SETBP1: variants seen among roughly 807,000 people sequenced by gnomAD.
SETBP1 encodes SET-binding protein.
In SETBP1, 9 loss-of-function variants were observed where a neutral mutation model predicts 101.0. The ratio of observed to expected loss-of-function variants is 0.09; its 90% CI spans 0.05 to 0.16. The LOEUF (loss-of-function observed/expected upper bound fraction) is 0.16. Ranked by LOEUF, SETBP1 falls within the 10% of genes least tolerant of loss-of-function variation. The probability of loss-of-function intolerance (pLI) is 1.00; values close to 1 mark genes in which losing one functional copy is unlikely to be tolerated. For synonymous variants in SETBP1, 818 were observed against 788.5 expected (o/e 1.04, Z -0.63); for missense variants, 1,858 against 2,033.8 (o/e 0.91, Z 1.66).
intron 3 of SETBP1, among the ~76,000 whole-genome samples, chr18:44,931,151 T>C (rs1375575997): frequency 1.3e-5 from 2 of 152,224 alleles, no homozygotes. Context: ...TTTGTTCTCA[T>C]TGGTTTCAAA....
At chr18:45,049,168 A>G (rs916547853) in intron 5 of SETBP1, among the ~76,000 whole-genome samples, 4 of 152,186 alleles carry the variant, frequency 2.6e-5, no homozygotes, top group Admixed American at 1.3e-4. Context: ...ATGAATTTTC[A>G]ACTGAATGGT....
At chr18:44,984,323 A>C (rs759162293) in intron 4 of SETBP1, among the ~76,000 whole-genome samples, 32 of 152,160 alleles carry the variant, frequency 2.1e-4, no homozygotes, top group Non-Finnish European at 3.5e-4. Flanking sequence ...AGGGAGGATA[A>C]TTTCAGGAAG....
At chr18:44,877,916 T>G (rs913161564) in intron 3 of SETBP1, among the ~76,000 whole-genome samples, 1 of 152,184 alleles carries the variant, frequency 6.6e-6, no homozygotes, top group African/African-American at 2.4e-5. Flanking sequence ...GAATATTTTG[T>G]TTTTTAATTC....
intron 4 of SETBP1, among the ~76,000 whole-genome samples, chr18:44,995,526 C>CT (rs1354704075): frequency 2.9e-5 from 3 of 104,000 alleles, no homozygotes; most frequent in African/African-American, 1.2e-4. Flanking sequence ...CATGTCCAGG[C>CT]TTTTGTGTGT....
intron 2 of SETBP1, among the ~76,000 whole-genome samples, chr18:44,813,856 C>T (rs1252411472): frequency 6.6e-6 from 1 of 152,172 alleles, no homozygotes; most frequent in Non-Finnish European, 1.5e-5. Context: ...CATGGGAACA[C>T]TGATGGGTTT....
intron 2 of SETBP1, among the ~76,000 whole-genome samples, chr18:44,730,917 G>A (rs1228276473): frequency 6.6e-6 from 1 of 152,216 alleles, no homozygotes; most frequent in African/African-American, 2.4e-5. Context: ...TTGTGGATCG[G>A]CCTAGTAGTG....
intron 2 of SETBP1, among the ~76,000 whole-genome samples, chr18:44,793,634 A>T (rs1307650868): frequency 6.6e-6 from 1 of 152,328 alleles, no homozygotes; most frequent in Non-Finnish European, 1.5e-5. Context: ...AATAGATTGG[A>T]TAACTTTTTA....
At chr18:44,787,265 T>C (rs972674412) in intron 2 of SETBP1, among the ~76,000 whole-genome samples, 2 of 152,176 alleles carry the variant, frequency 1.3e-5, no homozygotes, top group African/African-American at 2.4e-5. Flanking sequence ...GTAGCAGTAA[T>C]TGAAAGGATA....
chr18:44,711,704 AT>A (rs11376628), intron 2 of SETBP1, among the ~76,000 whole-genome samples: 237 of 125,620 alleles, frequency 1.9e-3, no homozygotes, highest in African/African-American at 3.6e-3. Context: ...TTATCTTTAA[AT>A]TTTTTTTTTT....
rs143542537 is a variant in SETBP1, at chr18:44,756,534, C to T, written c.486+54702C>T. 7.3e-4 allele frequency among the ~76,000 whole-genome samples: 111 copies of T among 152,330 alleles called. 2 individuals carry two copies. The Middle Eastern group carries it at 0.014, about 19-fold the overall frequency. On this transcript the variant is annotated intron_variant, in intron 2 of 5. Coordinates refer to ENST00000649279, the MANE Select transcript of SETBP1 (RefSeq NM_015559.3). ...TGCTGCCCAGCCACAAGCCAGGCTC[C>T]AGGGCACACGGGGAGTGCTTGTCCT...
intron 4 of SETBP1, among the ~76,000 whole-genome samples, chr18:45,010,842 G>T (rs1046216969): frequency 4.6e-5 from 7 of 152,188 alleles, no homozygotes; most frequent in Admixed American, 3.9e-4. Context: ...TCAGGCTTAA[G>T]GGGATTAAGT....
intron 2 of SETBP1, among the ~76,000 whole-genome samples, chr18:44,768,984 G>A (rs1446880883): frequency 6.6e-6 from 1 of 152,304 alleles, no homozygotes; most frequent in African/African-American, 2.4e-5. Context: ...ATACCTGCTT[G>A]TGGTTTTTCT....
intron 4 of SETBP1, among the ~76,000 whole-genome samples, chr18:44,957,823 A>G (rs981239740): frequency 3.3e-4 from 51 of 152,338 alleles, no homozygotes; most frequent in African/African-American, 1.2e-3. Flanking sequence ...AATGGAATAA[A>G]AGGAAGAAGA....
chr18:44,868,376 A>AT (rs937573562), intron 2 of SETBP1, among the ~76,000 whole-genome samples: 24 of 149,638 alleles, frequency 1.6e-4, no homozygotes, highest in Admixed American at 4.0e-4. Context: ...TACTGAGCTG[A>AT]TTTTTTTTTT....
chr18:44,874,159 T>G (rs1568193964), intron 3 of SETBP1, among the ~76,000 whole-genome samples: 1 of 152,210 alleles, frequency 6.6e-6, no homozygotes, highest in Admixed American at 6.5e-5. Flanking sequence ...AATAAAAAAT[T>G]TAATTAACTT....
At chr18:44,999,098 C>T (rs985150630) in intron 4 of SETBP1, among the ~76,000 whole-genome samples, 1 of 152,198 alleles carries the variant, frequency 6.6e-6, no homozygotes, top group African/African-American at 2.4e-5. Context: ...TGTCTGAGCT[C>T]ACAGAATTTT....
At chr18:44,984,277 CACAG>C (rs2072180514) in intron 4 of SETBP1, among the ~76,000 whole-genome samples, 1 of 152,176 alleles carries the variant, frequency 6.6e-6, no homozygotes, top group African/African-American at 2.4e-5. Context: ...ACAATTTCTT[CACAG>C]ACAGGCAGGG....
chr18:44,936,564 C>T (rs531839330), intron 3 of SETBP1, among the ~76,000 whole-genome samples: 19 of 152,244 alleles, frequency 1.2e-4, no homozygotes, highest in African/African-American at 3.4e-4. Flanking sequence ...ACACATGTCT[C>T]GACCACGGGG....
intron 2 of SETBP1, among the ~76,000 whole-genome samples, chr18:44,853,474 C>T (rs758733062): frequency 6.6e-6 from 1 of 152,148 alleles, no homozygotes; most frequent in South Asian, 2.1e-4. Context: ...TTACAGACAT[C>T]GAAACATCCC....
Sources: allele counts gnomAD v4.1 joint callset (sites outside exome capture counted in the v4.1 genomes callset), GRCh38; gene constraint gnomAD v4.1.1; transcripts MANE v1.5; gene names NCBI Gene and HGNC (gene_info 2026-07-23, HGNC 2026-07-21).